The following CACHD1 variants were observed in gnomAD, a reference collection of about 807,000 sequenced individuals.
CACHD1 encodes VWFA and cache domain-containing protein 1.
Under a neutral mutation model 138.7 loss-of-function variants are expected in CACHD1, and 71 were observed. That is an observed-to-expected ratio of 0.51 (90% confidence interval 0.42 to 0.62). The LOEUF (loss-of-function observed/expected upper bound fraction) is 0.62. Ranked by LOEUF, CACHD1 falls within the 20% of genes least tolerant of loss-of-function variation. The probability of loss-of-function intolerance (pLI) is 0.00; values close to 1 mark genes in which losing one functional copy is unlikely to be tolerated. For synonymous variants in CACHD1, 578 were observed against 591.5 expected (o/e 0.98, Z 0.33); for missense variants, 1,389 against 1,625.3 (o/e 0.85, Z 2.50).
At chr1:64,552,341 T>C (rs918828898) in intron 2 of CACHD1, among the ~76,000 whole-genome samples, 3 of 152,186 alleles carry the variant, frequency 2.0e-5, no homozygotes, top group Admixed American at 1.3e-4. Context: ...GATATCTTAT[T>C]ACAGATGAGG....
At chr1:64,602,488 T>C (rs11208480) in intron 3 of CACHD1, among the ~76,000 whole-genome samples, 1 of 147,998 alleles carries the variant, frequency 6.8e-6, no homozygotes, top group Non-Finnish European at 1.5e-5. Context: ...TTTTTTTTTG[T>C]AGCTCTATTT....
intron 3 of CACHD1, among the ~76,000 whole-genome samples, chr1:64,596,078 A>G (rs1012527908): frequency 6.6e-6 from 1 of 152,154 alleles, no homozygotes; most frequent in Non-Finnish European, 1.5e-5. Flanking sequence ...TGGCCCATCT[A>G]TTTAGGTGTT....
chr1:64,476,836 T>C (rs1162129193), intron 1 of CACHD1, among the ~76,000 whole-genome samples: 2 of 152,310 alleles, frequency 1.3e-5, no homozygotes, highest in East Asian at 3.9e-4. Context: ...CTTAGTAACA[T>C]GTTGCTGCTA....
chr1:64,532,596 G>A (rs987732163), intron 1 of CACHD1, among the ~76,000 whole-genome samples: 1 of 152,108 alleles, frequency 6.6e-6, no homozygotes, highest in African/African-American at 2.4e-5. Context: ...AGGCCGGTAT[G>A]TTGAGGGGTG....
At chr1:64,670,544 A>G (rs1196364756) in intron 16 of CACHD1, among the ~76,000 whole-genome samples, 1 of 152,174 alleles carries the variant, frequency 6.6e-6, no homozygotes, top group East Asian at 1.9e-4. Flanking sequence ...ATGCCCTCCC[A>G]GTTACCCATG....
chr1:64,486,133 T>C (rs1646240637), intron 1 of CACHD1, among the ~76,000 whole-genome samples: 1 of 152,192 alleles, frequency 6.6e-6, no homozygotes, highest in East Asian at 1.9e-4. Context: ...GAGCATTTTT[T>C]CATGTGCCTA....
chr1:64,634,033 C>G lies in CACHD1; in HGVS notation c.790-11C>G. 8.1e-6 allele frequency: 9 copies of G among 1,117,224 alleles called. No individual in the cohort carries two copies. Among genetic ancestry groups the G allele is most frequent in the South Asian group, 2.1e-5 (1 of 48,488 alleles). 69.2% of individuals were successfully genotyped at this position (1,117,224 alleles called of 1,614,324 possible). A position where few individuals can be genotyped will look rare whatever the true frequency, so the allele number is the denominator to read the frequency against. ...AAGTTTGGTGGTTTTTTTTTTTTTT[C>G]TTTCCTGCAGATTTCTGTGTTAACT... On this transcript the variant is annotated splice_polypyrimidine_tract_variant and intron_variant, in intron 6 of 26. Coordinates refer to ENST00000651257, the MANE Select transcript of CACHD1 (RefSeq NM_020925.4).
At chr1:64,485,236 TA>T (rs1170015388) in intron 1 of CACHD1, among the ~76,000 whole-genome samples, 1 of 152,228 alleles carries the variant, frequency 6.6e-6, no homozygotes, top group Admixed American at 6.5e-5. Context: ...TGCAGTCATG[TA>T]ACCAACACCA....
At chr1:64,489,206 T>C (rs1646260293) in intron 1 of CACHD1, among the ~76,000 whole-genome samples, 1 of 152,178 alleles carries the variant, frequency 6.6e-6, no homozygotes, top group Non-Finnish European at 1.5e-5. Flanking sequence ...CCTCTGTGTG[T>C]TTTCTATAAA....
At chr1:64,671,924 A>G (rs1444013496) in intron 17 of CACHD1, among the ~76,000 whole-genome samples, 1 of 152,208 alleles carries the variant, frequency 6.6e-6, no homozygotes, top group Non-Finnish European at 1.5e-5. Flanking sequence ...GTAGCATGGA[A>G]TGCACCAAAA....
chr1:64,625,628 G>GAA (rs918198853), intron 4 of CACHD1, among the ~76,000 whole-genome samples: 4 of 118,116 alleles, frequency 3.4e-5, no homozygotes, highest in Non-Finnish European at 1.7e-5. Flanking sequence ...CTCAGTCTCA[G>GAA]AAAAAAAAAA....
chr1:64,596,193 TCAAA>T (rs1174202911), intron 3 of CACHD1, among the ~76,000 whole-genome samples: 6 of 152,218 alleles, frequency 3.9e-5, no homozygotes, highest in Admixed American at 6.5e-5. Flanking sequence ...CCTCTACCAT[TCAAA>T]CAGAGTTTAA....
At chr1:64,689,345 C>T (rs115663075) in intron 26 of CACHD1, among the ~76,000 whole-genome samples, 1 of 152,168 alleles carries the variant, frequency 6.6e-6, no homozygotes, top group East Asian at 1.9e-4. Context: ...ATCCTTATAA[C>T]TTGAAGTTGT....
chr1:64,675,119 CAG>C (rs1346892241), intron 19 of CACHD1, among the ~76,000 whole-genome samples: 1 of 152,102 alleles, frequency 6.6e-6, no homozygotes, highest in African/African-American at 2.4e-5. Context: ...TAAGAAAAAA[CAG>C]ATTTTAATAA....
chr1:64,666,039 T>C lies in CACHD1; in HGVS notation c.2277-18T>C, dbSNP rs771986830. The C allele has an allele frequency of 7.3e-7, 1 of 1,361,128 alleles. No homozygotes were observed. The highest frequency in any genetic ancestry group is 1.3e-5 in the South Asian group (1 of 78,950). The allele number at this position is 1,361,128 out of a possible 1,614,324, so 84.3% of individuals were successfully genotyped here. ...AAATAAAAAATAAAATAACATGACT[T>C]TCTTTGGTCTCCATTAGGTATCTCC... On this transcript the variant is annotated intron_variant, in intron 15 of 26. Transcript: ENST00000651257.
intron 14 of CACHD1, 80 bp downstream of exon 14, chr1:64,663,917 G>A: frequency 3.2e-6 from 5 of 1,568,764 alleles, no homozygotes; most frequent in Non-Finnish European, 4.4e-6. Flanking sequence ...AACCTTTGAA[G>A]TAGGAAACCC....
At chr1:64,613,084 T>C (rs1647588532) in intron 4 of CACHD1, among the ~76,000 whole-genome samples, 1 of 152,162 alleles carries the variant, frequency 6.6e-6, no homozygotes, top group Admixed American at 6.5e-5. Flanking sequence ...AAGATTTCAG[T>C]GGAGGAAGTC....
intron 16 of CACHD1, 137 bp from the exon 17 acceptor site, chr1:64,671,427 A>G (rs1649812972): frequency 1.1e-6 from 1 of 902,134 alleles, no homozygotes; most frequent in Non-Finnish European, 1.7e-6. Flanking sequence ...TTAGTTGATC[A>G]TTTTTGTAGG....
chr1:64,533,454 T>G (rs1646605260), intron 1 of CACHD1, among the ~76,000 whole-genome samples: 1 of 152,196 alleles, frequency 6.6e-6, no homozygotes, highest in Non-Finnish European at 1.5e-5. Flanking sequence ...CCATATGTAT[T>G]TATAGCAGCT....
Sources: gnomAD v4.1 joint callset for allele counts (sites outside exome capture counted in the v4.1 genomes callset) on GRCh38, gnomAD v4.1.1 for gene constraint, MANE v1.5 for transcripts, NCBI Gene and HGNC (gene_info 2026-07-23, HGNC 2026-07-21) for gene names.